NFASC: variants seen among roughly 807,000 people sequenced by gnomAD.
NFASC encodes neurofascin homolog.
In NFASC, 43 loss-of-function variants were observed where a neutral mutation model predicts 147.5. That is an observed-to-expected ratio of 0.29 (90% confidence interval 0.23 to 0.38). NFASC has a LOEUF of 0.38. NFASC is among the 10% of genes least tolerant of loss of function. The pLI is 1.00. For synonymous variants in NFASC, 622 were observed against 665.5 expected, an observed-to-expected ratio of 0.93 and a Z score of 1.01; for missense variants, 1,320 against 1,689.0, an observed-to-expected ratio of 0.78 and a Z score of 3.83.
intron 1 of NFASC, among the ~76,000 whole-genome samples, chr1:204,835,496 T>C (rs1308294426): frequency 6.6e-6 from 1 of 152,098 alleles, no homozygotes; most frequent in Non-Finnish European, 1.5e-5. Context: ...CCCAAAGTGT[T>C]GGGATTACAG....
At chr1:204,977,557 C>T in intron 16 of NFASC, 124 bp from the exon 17 acceptor site, 2 of 771,242 alleles carry the variant, frequency 2.6e-6, no homozygotes, top group Non-Finnish European at 4.2e-6. Flanking sequence ...ACGGGGACAG[C>T]CCTGCCTAGA....
chr1:204,839,609 G>A (rs1674717486), intron 1 of NFASC, among the ~76,000 whole-genome samples: 1 of 150,794 alleles, frequency 6.6e-6, no homozygotes, highest in Admixed American at 6.6e-5. Context: ...TTTATGGTTG[G>A]TCAGGCAGCT....
At chr1:204,914,591 T>A (rs1208932698) in intron 1 of NFASC, among the ~76,000 whole-genome samples, 1 of 152,130 alleles carries the variant, frequency 6.6e-6, no homozygotes, top group East Asian at 1.9e-4. Flanking sequence ...ACTAATACAG[T>A]AAAACGAAAA....
At position 205,010,755 on chromosome 1, in the gene NFASC, T is replaced by G. The variant is rs1175044298; in HGVS notation, c.3421+1067T>G. 1 of 151,912 alleles carries G rather than the reference T, an allele frequency of 6.6e-6. No homozygotes were observed. Among genetic ancestry groups the G allele is most frequent in the Non-Finnish European group, 1.5e-5 (1 of 67,984 alleles). 9.4% of individuals were successfully genotyped at this position (151,912 alleles called of 1,614,324 possible). On this transcript the variant is annotated intron_variant, in intron 28 of 29. Coordinates refer to ENST00000339876, the MANE Select transcript of NFASC (RefSeq NM_001005388.3). The surrounding 1 kb of genome is among the most constrained non-coding windows in gnomAD (Gnocchi z 4.1). Reference sequence around the variant, plus strand: ...AATCTCTACCAAAAATACAAAAAATTAGCTGGGTGTTTTGGCACGTGCCTA... The same window carrying G: ...AATCTCTACCAAAAATACAAAAAATGAGCTGGGTGTTTTGGCACGTGCCTA...
At chr1:204,931,720 C>T (rs1443427656) in intron 2 of NFASC, among the ~76,000 whole-genome samples, 1 of 152,040 alleles carries the variant, frequency 6.6e-6, no homozygotes, top group Non-Finnish European at 1.5e-5. Flanking sequence ...TGCTTGTGAT[C>T]TCCCTGCATC....
chr1:204,891,963 A>T (rs145380195), intron 1 of NFASC, among the ~76,000 whole-genome samples: 137 of 152,276 alleles, frequency 9.0e-4, no homozygotes, highest in African/African-American at 3.2e-3. Context: ...GCCTCCATGG[A>T]GCCCTGTACC....
chr1:204,851,159 C>G (rs976722014), intron 1 of NFASC, among the ~76,000 whole-genome samples: 4 of 152,056 alleles, frequency 2.6e-5, no homozygotes, highest in Non-Finnish European at 5.9e-5. Flanking sequence ...TTTTTAGAAG[C>G]AAAATTTAAA....
In NFASC at chr1:204,959,135, T is replaced by C. The variant is rs147142498; in HGVS notation, c.706+1309T>C. ...TTCCTTCTTTATTTCTCCTCCCTCTTTCTTTTTCTTTCTTCTTTTCCATCT... is the reference window on the plus strand; with the variant it reads ...TTCCTTCTTTATTTCTCCTCCCTCTCTCTTTTTCTTTCTTCTTTTCCATCT... On this transcript the variant is annotated intron_variant, in intron 8 of 29. Transcript: ENST00000339876. Among the ~76,000 whole-genome samples the C allele has an allele frequency of 2.3e-3, 348 of 152,208 alleles. 1 individual carries two copies. Among genetic ancestry groups the C allele is most frequent in the African/African-American group, 7.9e-3 (328 of 41,546 alleles).
In NFASC at chr1:204,975,554, G is replaced by A. The variant is rs1003992389; in HGVS notation, c.1706+136G>A. ...TGTCACCAAGGAGCTTCTGCAGAGG[G>A]GGTGATGGCCTGGGCAACTCCCCTG... On this transcript the variant is annotated intron_variant, in intron 15 of 29. Coordinates refer to ENST00000339876, the MANE Select transcript of NFASC (RefSeq NM_001005388.3). The surrounding 1 kb of genome is among the most constrained non-coding windows in gnomAD (Gnocchi z 4.0). 1 of 1,230,512 alleles carries A rather than the reference G, an allele frequency of 8.1e-7. No homozygotes were observed. Among genetic ancestry groups the A allele is most frequent in the Non-Finnish European group, 1.2e-6 (1 of 867,604 alleles). The allele number at this position is 1,230,512 out of a possible 1,614,324, so 76.2% of individuals were successfully genotyped here.
chr1:204,870,910 A>G, intron 1 of NFASC: 1 of 1,209,164 alleles, frequency 8.3e-7, no homozygotes. Context: ...GCCAACTTTC[A>G]GGGAAAAGAA....
intron 1 of NFASC, among the ~76,000 whole-genome samples, chr1:204,861,599 C>A (rs2076680485): frequency 6.6e-6 from 1 of 152,188 alleles, no homozygotes; most frequent in African/African-American, 2.4e-5. Context: ...ACGCCATTCT[C>A]CTGCCTCAGC....
At chr1:204,974,337 C>T (rs772448253) in intron 13 of NFASC, 47 bp downstream of exon 13, 1 of 1,420,380 alleles carries the variant, frequency 7.0e-7, no homozygotes, top group Non-Finnish European at 9.9e-7. Context: ...TCACCTGTCT[C>T]ATCTTCTCCT....
At chr1:204,978,787 T>G (rs1306797350) in intron 17 of NFASC, among the ~76,000 whole-genome samples, 181 bp from the exon 18 acceptor site, 1 of 152,186 alleles carries the variant, frequency 6.6e-6, no homozygotes, top group East Asian at 1.9e-4. Context: ...AGTCTCCTCT[T>G]TGTTTTCCCT....
chr1:204,954,682 C>A lies in NFASC; in HGVS notation c.413-147C>A. On this transcript the variant is annotated intron_variant, in intron 6 of 29. Transcript: ENST00000339876. The surrounding 1 kb of genome is among the most constrained non-coding windows in gnomAD (Gnocchi z 5.7). ...TCTCAAGGGCGGCCCCTTGAGTAGG[C>A]TCACGTGCCCCGTCCCTCTCTCTTG... The A allele has an allele frequency of 1.0e-6, 1 of 975,138 alleles. No homozygotes were observed. The highest frequency in any genetic ancestry group is 1.5e-6 in the Non-Finnish European group (1 of 650,782). 60.4% of individuals were successfully genotyped at this position (975,138 alleles called of 1,614,324 possible). A position where few individuals can be genotyped will look rare whatever the true frequency, so the allele number is the denominator to read the frequency against.
chr1:204,874,040 G>A (rs2078242972), intron 1 of NFASC, among the ~76,000 whole-genome samples: 1 of 152,198 alleles, frequency 6.6e-6, no homozygotes, highest in African/African-American at 2.4e-5. Context: ...GATATTAATA[G>A]CACCTGCCTC....
chr1:204,914,032 T>C (rs949411662), intron 1 of NFASC, among the ~76,000 whole-genome samples: 1 of 151,858 alleles, frequency 6.6e-6, no homozygotes, highest in African/African-American at 2.4e-5. Context: ...CAATCAACTA[T>C]GAAAAAAATT....
chr1:204,962,140 C>A lies in NFASC; in HGVS notation c.706+4314C>A, dbSNP rs543370587. The A allele has an allele frequency of 1.9e-6, 3 of 1,613,586 alleles. No individual in the cohort carries two copies. In the East Asian group the frequency reaches 6.7e-5, roughly 36 times the overall value. On this transcript the variant is annotated intron_variant, in intron 8 of 29. Coordinates refer to ENST00000339876, the MANE Select transcript of NFASC (RefSeq NM_001005388.3). ...TTATAATGACTCGTCCTTAAGAAAC[C>A]ACCCTGACATGTACAGTGGTGAGTC...
intron 1 of NFASC, among the ~76,000 whole-genome samples, chr1:204,888,572 T>C (rs2081781395): frequency 6.6e-6 from 1 of 152,236 alleles, no homozygotes; most frequent in Admixed American, 6.5e-5. Flanking sequence ...AACTGGCCCA[T>C]TTCAAAGTTT....
At chr1:204,884,970 A>G (rs1444145894) in intron 1 of NFASC, among the ~76,000 whole-genome samples, 2 of 152,196 alleles carry the variant, frequency 1.3e-5, no homozygotes, top group Non-Finnish European at 2.9e-5. Flanking sequence ...GGAGAGATCC[A>G]TAAAGAAGTA....
Sources: gnomAD v4.1 joint callset for allele counts (sites outside exome capture counted in the v4.1 genomes callset) on GRCh38, gnomAD v4.1.1 for gene constraint, Gnocchi (gnomAD v3.1) non-coding constraint, MANE v1.5 for transcripts, NCBI Gene and HGNC (gene_info 2026-07-23, HGNC 2026-07-21) for gene names.